PRSS48: variants seen among roughly 807,000 people sequenced by gnomAD.
PRSS48 encodes epidermis-specific serine protease-like protein.
A neutral mutation model predicts 25.6 loss-of-function variants in PRSS48; 21 were observed. That is an observed-to-expected ratio of 0.82 (90% CI 0.58 to 1.18). The LOEUF (loss-of-function observed/expected upper bound fraction) is 1.18. Among genes scored for constraint, PRSS48 ranks in the 50% most tolerant of loss-of-function variants. The pLI is 0.00. For missense variants in PRSS48, 373 were observed against 399.3 expected (o/e 0.93, Z 0.56); for synonymous variants, 150 against 149.3 (o/e 1.00, Z -0.04).
At chr4:151,290,453 A>C (rs1775210585) in intron 4 of PRSS48, among the ~76,000 whole-genome samples, 1 of 152,202 alleles carries the variant, frequency 6.6e-6, no homozygotes, top group South Asian at 2.1e-4. Flanking sequence ...CAGATATTAC[A>C]TGATTCCATT....
chr4:151,280,790 TA>T (rs899848488), intron 2 of PRSS48, among the ~76,000 whole-genome samples: 46 of 147,326 alleles, frequency 3.1e-4, no homozygotes, highest in Non-Finnish European at 5.6e-4. Flanking sequence ...ACCCTGTCTC[TA>T]AAAAAAAAAT....
chr4:151,277,811 C>A (rs1214154233), intron 1 of PRSS48, among the ~76,000 whole-genome samples: 2 of 152,212 alleles, frequency 1.3e-5, no homozygotes, highest in Admixed American at 6.5e-5. Flanking sequence ...GATGCCAAGG[C>A]GGGCAGATCA....
At chr4:151,280,002 A>G in intron 2 of PRSS48, 44 bp downstream of exon 2, 1 of 1,284,418 alleles carries the variant, frequency 7.8e-7, no homozygotes, top group East Asian at 3.4e-5. Flanking sequence ...GTTCTCAGTG[A>G]ATATTTGCAT....
At chr4:151,284,225 C>T (rs555785281) in intron 4 of PRSS48, among the ~76,000 whole-genome samples, 2 of 152,240 alleles carry the variant, frequency 1.3e-5, no homozygotes, top group East Asian at 1.9e-4. Context: ...TTAAGTTATA[C>T]CTTTTGGTAT....
At chr4:151,279,211 G>A in intron 1 of PRSS48, 1 of 239,664 alleles carries the variant, frequency 4.2e-6, no homozygotes, top group Non-Finnish European at 8.1e-6. Flanking sequence ...AGAAGAGAAA[G>A]AGAAATGTGG....
chr4:151,279,927 T>C lies in PRSS48; in HGVS notation c.184T>C (p.Leu62=), dbSNP rs940551504. 5.0e-6 allele frequency: 8 copies of C among 1,613,534 alleles called. No individual in the cohort carries two copies. The African/African-American group carries it at 5.3e-5, about 11-fold the overall frequency. Residue 62 remains leucine (L), a synonymous_variant, in exon 2 of 5, where the codon TTG becomes CTG. Transcript: ENST00000455694. Reference sequence around the variant, plus strand: ...TGGAGGTTCCCTCGTCAGTGAGAGGTTGATACTGACAGCAGCACACTGCAT... The same window carrying C: ...TGGAGGTTCCCTCGTCAGTGAGAGGCTGATACTGACAGCAGCACACTGCAT...
chr4:151,286,530 A>G (rs6535785), intron 4 of PRSS48, among the ~76,000 whole-genome samples: 53,757 of 150,920 alleles, frequency 0.36, 10,659 homozygotes, highest in Non-Finnish European at 0.46. Context: ...ACAAACTACC[A>G]TAACTTACCT....
intron 4 of PRSS48, among the ~76,000 whole-genome samples, chr4:151,284,422 C>G (rs1469615581): frequency 6.6e-6 from 1 of 152,150 alleles, no homozygotes; most frequent in African/African-American, 2.4e-5. Flanking sequence ...GTTTTATTCT[C>G]TCCTCTCATC....
At chr4:151,281,832 A>T (rs1360870289) in intron 2 of PRSS48, among the ~76,000 whole-genome samples, 1 of 152,152 alleles carries the variant, frequency 6.6e-6, no homozygotes, top group Non-Finnish European at 1.5e-5. Flanking sequence ...ATAAACAGCA[A>T]TGTCTATTAA....
exon 4 of PRSS48, chr4:151,283,129 A>G (rs1774407161): frequency 5.6e-6 from 9 of 1,613,646 alleles, no homozygotes; most frequent in Non-Finnish European, 7.6e-6. Context: ...AGAGATTACC[A>G]TTCTGCCCTT....
At chr4:151,291,160 T>C in exon 5 of PRSS48, 1 of 1,613,866 alleles carries the variant, frequency 6.2e-7, no homozygotes, top group South Asian at 1.1e-5. Context: ...TGATGGTGTA[T>C]GGATCCAGAC....
chr4:151,287,080 C>T (rs1034342085), intron 4 of PRSS48, among the ~76,000 whole-genome samples: 1 of 151,548 alleles, frequency 6.6e-6, no homozygotes, highest in South Asian at 2.1e-4. Context: ...GTGGCTCACA[C>T]CTGTAATCCC....
intron 1 of PRSS48, 112 bp downstream of exon 1, chr4:151,277,336 A>G (rs1773730809): frequency 2.5e-6 from 2 of 797,376 alleles, no homozygotes; most frequent in Non-Finnish European, 1.8e-6. Context: ...TGAGTAGCAC[A>G]GCCTGAGAAG....
chr4:151,291,174 A>C (rs1775301035), exon 5 of PRSS48: 1 of 1,613,806 alleles, frequency 6.2e-7, no homozygotes, highest in African/African-American at 1.3e-5. Context: ...TCCAGACAGG[A>C]GTAGTAAGCT....
Position 151,291,376 on chromosome 4 carries a change from G to A in PRSS48, c.910G>A (p.Gly304Ser), listed in dbSNP as rs2150019490. The stretch of plus-strand genomic sequence containing the variant: ...TGGACCTAACACTATACACAGAGTA[G>A]GCACTGTAGCTGAAGCTGTTGCTTG... The change falls in exon 5 of 5, where the codon GGC becomes AGC. Residue 304 changes from glycine (G) to serine (S), a missense_variant. Transcript: ENST00000455694. 1.9e-6 allele frequency: 3 copies of A among 1,614,018 alleles called. No homozygotes were observed. The African/African-American group carries it at 4.0e-5, about 22-fold the overall frequency.
At chr4:151,278,352 T>G (rs1320630235) in intron 1 of PRSS48, among the ~76,000 whole-genome samples, 8 of 151,702 alleles carry the variant, frequency 5.3e-5, no homozygotes, top group Non-Finnish European at 1.2e-4. Context: ...CACTGCAACC[T>G]CAGACTCCTG....
exon 5 of PRSS48, chr4:151,291,139 T>C (rs1320940300): frequency 1.2e-6 from 2 of 1,612,878 alleles, no homozygotes; most frequent in South Asian, 1.1e-5. Context: ...AGGGCCTCTG[T>C]CGTGTCACAT....
exon 5 of PRSS48, chr4:151,291,324 G>C: frequency 6.2e-7 from 1 of 1,613,872 alleles, no homozygotes; most frequent in Non-Finnish European, 8.5e-7. Context: ...TACTCTCTCT[G>C]GCTCTCCTGC....
chr4:151,285,295 G>A lies in PRSS48; in HGVS notation c.651+2009G>A, dbSNP rs548602571. Reference sequence around the variant, plus strand: ...AAACAGAAAGAGTCCTAAGAAGAGCGGAATATACTTTCCTCTTAAGTGCCC... The same window carrying A: ...AAACAGAAAGAGTCCTAAGAAGAGCAGAATATACTTTCCTCTTAAGTGCCC... On this transcript the variant is annotated intron_variant, in intron 4 of 4. Transcript: ENST00000455694. 7.2e-5 allele frequency among the ~76,000 whole-genome samples: 11 copies of A among 152,138 alleles called. No individual in the cohort carries two copies. The South Asian group carries it at 1.5e-3, about 20-fold the overall frequency.
Sources: allele counts gnomAD v4.1 joint callset (sites outside exome capture counted in the v4.1 genomes callset), GRCh38; gene constraint gnomAD v4.1.1; transcripts MANE v1.5; gene names NCBI Gene and HGNC (gene_info 2026-07-23, HGNC 2026-07-21).